The following CDH18 variants were observed in gnomAD, a reference collection of about 807,000 sequenced individuals.
The protein encoded by CDH18 is cadherin 18, also known as cadherin-18.
Under a neutral mutation model 67.9 loss-of-function variants are expected in CDH18, and 31 were observed. That is an observed-to-expected ratio of 0.46 (90% CI 0.34 to 0.62). The LOEUF is 0.62. Ranked by LOEUF, CDH18 falls within the 20% of genes least tolerant of loss-of-function variation. The pLI, the probability that CDH18 is intolerant of heterozygous loss-of-function variation, is 0.01. For missense variants in CDH18, 890 were observed against 975.5 expected (o/e 0.91, Z 1.17); for synonymous variants, 362 against 347.2 (o/e 1.04, Z -0.48).
intron 1 of CDH18, among the ~76,000 whole-genome samples, chr5:20,566,094 C>G (rs1758487110): frequency 6.6e-6 from 1 of 152,070 alleles, no homozygotes; most frequent in Non-Finnish European, 1.5e-5. Context: ...AGGCTGAGCA[C>G]TGACTCTAAT....
intron 2 of CDH18, among the ~76,000 whole-genome samples, chr5:19,965,893 C>T (rs1030920938): frequency 1.3e-5 from 2 of 152,044 alleles, no homozygotes. Context: ...TCTCTCCCAG[C>T]GACACTTACA....
chr5:19,531,648 T>G (rs982216380), intron 9 of CDH18, among the ~76,000 whole-genome samples: 2 of 150,056 alleles, frequency 1.3e-5, no homozygotes, highest in Non-Finnish European at 3.0e-5. Context: ...CAAACAAAAT[T>G]GGGCTGGGCA....
chr5:19,859,202 T>C (rs572173729), intron 2 of CDH18, among the ~76,000 whole-genome samples: 349 of 152,176 alleles, frequency 2.3e-3, no homozygotes, highest in Middle Eastern at 3.4e-3. Flanking sequence ...TGATGGGAAG[T>C]AGGGGTGGGA....
At chr5:19,498,271 G>A (rs1023707224) in intron 11 of CDH18, among the ~76,000 whole-genome samples, 10 of 152,098 alleles carry the variant, frequency 6.6e-5, no homozygotes, top group African/African-American at 2.4e-4. Context: ...TACAAACACT[G>A]CAGAAGAGAC....
At chr5:20,005,206 C>T (rs569593522) in intron 2 of CDH18, among the ~76,000 whole-genome samples, 1 of 152,124 alleles carries the variant, frequency 6.6e-6, no homozygotes, top group South Asian at 2.1e-4. Flanking sequence ...GAGAAATAAA[C>T]ATCCGAATGA....
chr5:19,993,874 C>T (rs549099514), intron 2 of CDH18, among the ~76,000 whole-genome samples: 16 of 152,026 alleles, frequency 1.1e-4, no homozygotes, highest in East Asian at 3.9e-4. Context: ...CATATATTTA[C>T]GTAAATTTTC....
At chr5:20,042,800 A>G (rs1351559896) in intron 2 of CDH18, among the ~76,000 whole-genome samples, 1 of 152,022 alleles carries the variant, frequency 6.6e-6, no homozygotes, top group Non-Finnish European at 1.5e-5. Flanking sequence ...CGTCTCTACT[A>G]AAAATACAAA....
chr5:19,761,627 G>A (rs1233435579), intron 3 of CDH18, among the ~76,000 whole-genome samples: 1 of 151,988 alleles, frequency 6.6e-6, no homozygotes, highest in African/African-American at 2.4e-5. Flanking sequence ...CCATGGTCAC[G>A]GATAGGAAGA....
At chr5:20,007,393 A>T (rs946731921) in intron 2 of CDH18, among the ~76,000 whole-genome samples, 19 of 152,100 alleles carry the variant, frequency 1.2e-4, no homozygotes, top group African/African-American at 4.6e-4. Flanking sequence ...ATTCCACAAA[A>T]ATACAGTGCT....
At chr5:20,489,602 A>G (rs1212497760) in intron 1 of CDH18, among the ~76,000 whole-genome samples, 1 of 152,056 alleles carries the variant, frequency 6.6e-6, no homozygotes, top group African/African-American at 2.4e-5. Context: ...ATATATTTAA[A>G]TATTCATCCT....
chr5:19,598,531 A>G (rs2150055641), intron 6 of CDH18, among the ~76,000 whole-genome samples: 1 of 152,276 alleles, frequency 6.6e-6, no homozygotes, highest in Non-Finnish European at 1.5e-5. Flanking sequence ...AATGAACCAA[A>G]TATGAAGGTT....
At chr5:20,523,132 T>G (rs1290981110) in intron 1 of CDH18, among the ~76,000 whole-genome samples, 1 of 152,236 alleles carries the variant, frequency 6.6e-6, no homozygotes, top group Non-Finnish European at 1.5e-5. Context: ...GGAGTCACTG[T>G]CTTTGTAATC....
chr5:20,409,409 T>G (rs931391400), intron 1 of CDH18, among the ~76,000 whole-genome samples: 8 of 151,706 alleles, frequency 5.3e-5, no homozygotes, highest in Non-Finnish European at 1.0e-4. Flanking sequence ...CAATATACAT[T>G]TGAACAACCA....
At chr5:19,711,447 G>A (rs2150530063) in intron 5 of CDH18, among the ~76,000 whole-genome samples, 1 of 151,752 alleles carries the variant, frequency 6.6e-6, no homozygotes, top group South Asian at 2.1e-4. Context: ...ATTTCAAAGT[G>A]GGCAAAAGAC....
chr5:20,075,260 T>G (rs1743824841), intron 2 of CDH18, among the ~76,000 whole-genome samples: 1 of 152,128 alleles, frequency 6.6e-6, no homozygotes, highest in South Asian at 2.1e-4. Context: ...ATCCCAGCAC[T>G]CTGGTAGTCT....
intron 1 of CDH18, among the ~76,000 whole-genome samples, chr5:20,436,370 T>C (rs1447391174): frequency 2.6e-5 from 4 of 151,914 alleles, no homozygotes; most frequent in Non-Finnish European, 5.9e-5. Context: ...AACTCAGACT[T>C]CCCACTATTC....
At chr5:19,874,737 C>A (rs1282522076) in intron 2 of CDH18, among the ~76,000 whole-genome samples, 1 of 152,108 alleles carries the variant, frequency 6.6e-6, no homozygotes, top group Non-Finnish European at 1.5e-5. Context: ...CTCACAAGAC[C>A]TTGTCTGCTG....
chr5:19,786,846 G>C (rs1460941052), intron 3 of CDH18, among the ~76,000 whole-genome samples: 3 of 152,098 alleles, frequency 2.0e-5, no homozygotes, highest in African/African-American at 4.8e-5. Context: ...GCATGGCTGG[G>C]GGGGTGTTGG....
intron 3 of CDH18, among the ~76,000 whole-genome samples, chr5:19,781,485 G>A (rs1775105434): frequency 6.6e-6 from 1 of 152,104 alleles, no homozygotes. Context: ...AAGAGCAGGT[G>A]TAAGCAGTAT....
Sources: gnomAD v4.1 joint callset for allele counts (sites outside exome capture counted in the v4.1 genomes callset) on GRCh38, gnomAD v4.1.1 for gene constraint, MANE v1.5 for transcripts, NCBI Gene and HGNC (gene_info 2026-07-23, HGNC 2026-07-21) for gene names.